The following DCTN4 variants were observed in gnomAD, a reference collection of about 807,000 sequenced individuals.
DCTN4 encodes the protein dynactin subunit 4.
A neutral mutation model predicts 62.7 loss-of-function variants in DCTN4; 23 were observed. The ratio of observed to expected loss-of-function variants is 0.37; its 90% confidence interval spans 0.26 to 0.52. The LOEUF (loss-of-function observed/expected upper bound fraction) is 0.52. Ranked by LOEUF, DCTN4 falls within the 20% of genes least tolerant of loss-of-function variation. DCTN4 has a pLI of 0.92. For synonymous variants in DCTN4, 199 were observed against 202.1 expected (o/e 0.98, Z 0.13); for missense variants, 514 against 580.4 (o/e 0.89, Z 1.18).
chr5:150,739,177 T>C (rs1447229476), intron 4 of DCTN4, among the ~76,000 whole-genome samples: 1 of 143,454 alleles, frequency 7.0e-6, no homozygotes, highest in South Asian at 2.2e-4. Context: ...AGAGATTTCA[T>C]CTCAAAAAAA....
chr5:150,729,393 C>T (rs1760275033), intron 8 of DCTN4, among the ~76,000 whole-genome samples: 1 of 151,914 alleles, frequency 6.6e-6, no homozygotes, highest in Non-Finnish European at 1.5e-5. Flanking sequence ...GTTAAACAAA[C>T]AAAAAGAATC....
chr5:150,748,001 G>A (rs1179832927), intron 3 of DCTN4, among the ~76,000 whole-genome samples: 1 of 145,518 alleles, frequency 6.9e-6, no homozygotes, highest in East Asian at 2.0e-4. Context: ...GAGTGAACAG[G>A]CAACCTACAA....
At chr5:150,712,787 A>G (rs1429853770) in intron 12 of DCTN4, among the ~76,000 whole-genome samples, 1 of 152,224 alleles carries the variant, frequency 6.6e-6, no homozygotes, top group African/African-American at 2.4e-5. Context: ...CTGAAAGTAA[A>G]AGGGCAATGA....
intron 4 of DCTN4, among the ~76,000 whole-genome samples, chr5:150,735,483 G>C (rs930374596): frequency 3.9e-5 from 6 of 152,324 alleles, no homozygotes; most frequent in Admixed American, 3.3e-4. Context: ...AAGACGGACT[G>C]CATCACTGGA....
chr5:150,758,634 C>A (rs2278395), intron 1 of DCTN4: 73,484 of 1,252,506 alleles, frequency 0.059, 3,125 homozygotes, highest in East Asian at 0.21. Flanking sequence ...TTTGTCCAAT[C>A]AGAGGCCGCT....
intron 1 of DCTN4, among the ~76,000 whole-genome samples, chr5:150,757,133 A>C (rs1464208947): frequency 6.6e-6 from 1 of 152,218 alleles, no homozygotes; most frequent in Non-Finnish European, 1.5e-5. Flanking sequence ...ATAGAACTCT[A>C]GTCACCTGCA....
intron 3 of DCTN4, among the ~76,000 whole-genome samples, chr5:150,750,235 G>A (rs1395006298): frequency 6.6e-6 from 1 of 151,998 alleles, no homozygotes; most frequent in African/African-American, 2.4e-5. Flanking sequence ...ATTATATATT[G>A]GTAAAGCTAG....
At chr5:150,735,024 C>T (rs1480044827) in intron 4 of DCTN4, among the ~76,000 whole-genome samples, 1 of 152,178 alleles carries the variant, frequency 6.6e-6, no homozygotes, top group African/African-American at 2.4e-5. Context: ...ATGCCCCCAC[C>T]TGATGGTCTT....
At chr5:150,730,828 G>A in intron 7 of DCTN4, 88 bp from the exon 8 acceptor site, 1 of 1,111,960 alleles carries the variant, frequency 9.0e-7, no homozygotes, top group Non-Finnish European at 1.4e-6. Context: ...AAGCATTACT[G>A]CCTTTACGAA....
intron 2 of DCTN4, among the ~76,000 whole-genome samples, chr5:150,754,717 C>T (rs899971269): frequency 5.9e-5 from 9 of 152,184 alleles, no homozygotes; most frequent in Admixed American, 4.6e-4. Flanking sequence ...CTTGTAATCC[C>T]AGCACTTTGG....
intron 8 of DCTN4, among the ~76,000 whole-genome samples, chr5:150,728,574 A>T (rs148261938): frequency 2.0e-5 from 3 of 152,158 alleles, no homozygotes; most frequent in African/African-American, 7.2e-5. Context: ...TGAGTCTATT[A>T]TTCAGTGCAC....
Position 150,711,161 on chromosome 5 carries a change from T to C in DCTN4, c.1371A>G (p.Pro457=), listed in dbSNP as rs540217397. 1.2e-6 allele frequency: 2 copies of C among 1,612,212 alleles called. No homozygotes were observed. Among genetic ancestry groups the C allele is most frequent in the African/African-American group, 1.3e-5 (1 of 74,970 alleles). The part of the protein sequence containing the change: ...LTQHVELSLG[P]LLP Reference sequence around the variant, plus strand: ...CCAGTGGAACCTTTTAAGGAAGAAGTGGGCCCAAGCTAAGTTCCACATGCT... The same window carrying C: ...CCAGTGGAACCTTTTAAGGAAGAAGCGGGCCCAAGCTAAGTTCCACATGCT... Residue 457 remains proline (P), a synonymous_variant, in exon 13 of 13, where the codon CCA becomes CCG. Coordinates refer to ENST00000447998, the MANE Select transcript of DCTN4 (RefSeq NM_016221.4).
At chr5:150,740,232 A>C (rs538113442) in intron 4 of DCTN4, among the ~76,000 whole-genome samples, 2 of 152,326 alleles carry the variant, frequency 1.3e-5, no homozygotes, top group East Asian at 3.9e-4. Flanking sequence ...AAGAAAAAAA[A>C]CAAATAATCC....
intron 3 of DCTN4, among the ~76,000 whole-genome samples, chr5:150,749,287 A>G (rs963449589): frequency 2.0e-5 from 3 of 152,216 alleles, no homozygotes; most frequent in Non-Finnish European, 4.4e-5. Context: ...ACCAACAACA[A>G]CAAAACCCAG....
intron 11 of DCTN4, 96 bp from the exon 12 acceptor site, chr5:150,715,758 C>T (rs923820098): frequency 3.1e-6 from 3 of 959,580 alleles, no homozygotes; most frequent in African/African-American, 1.6e-5. Context: ...AAGCACACAG[C>T]AAGTTTCAGG....
At chr5:150,712,814 C>T (rs1471921325) in intron 12 of DCTN4, among the ~76,000 whole-genome samples, 1 of 152,166 alleles carries the variant, frequency 6.6e-6, no homozygotes, top group African/African-American at 2.4e-5. Context: ...CAGAATTTGT[C>T]TACTACCCAA....
chr5:150,709,923 A>G lies in DCTN4; in HGVS notation c.*1226T>C, dbSNP rs1366158366. ...CTGGTGGTCTACTTTATCAAGTTTC[A>G]TTTTAGAAAACATCATAGAAATTAA... is the stretch of plus-strand genomic sequence containing the variant. On this transcript the variant is annotated 3_prime_UTR_variant, in exon 13 of 13. Coordinates refer to ENST00000447998, the MANE Select transcript of DCTN4 (RefSeq NM_016221.4). 1 of 152,346 alleles carries G rather than the reference A, an allele frequency of 6.6e-6. No individual in the cohort carries two copies. Among genetic ancestry groups the G allele is most frequent in the Non-Finnish European group, 1.5e-5 (1 of 68,038 alleles). The allele number at this position is 152,346 out of a possible 1,614,324, so 9.4% of individuals were successfully genotyped here. A position where few individuals can be genotyped will look rare whatever the true frequency, so the allele number is the denominator to read the frequency against.
intron 1 of DCTN4, chr5:150,758,095 C>G: frequency 1.0e-6 from 1 of 985,474 alleles, no homozygotes; most frequent in Non-Finnish European, 1.2e-6. Context: ...TATTAAACAG[C>G]GCATTTTATG....
chr5:150,712,376 C>T (rs544787008), intron 12 of DCTN4, among the ~76,000 whole-genome samples: 24 of 152,140 alleles, frequency 1.6e-4, no homozygotes, highest in South Asian at 8.3e-4. Context: ...GTGATCCACC[C>T]GCCTCAGCCT....
Sources: gnomAD v4.1 joint callset for allele counts (sites outside exome capture counted in the v4.1 genomes callset) on GRCh38, gnomAD v4.1.1 for gene constraint, MANE v1.5 for transcripts, NCBI Gene and HGNC (gene_info 2026-07-23, HGNC 2026-07-21) for gene names.